Variants in TLN2 observed in about 807,000 individuals in gnomAD.
TLN2 encodes talin 2.
A neutral mutation model predicts 294.7 loss-of-function variants in TLN2; 118 were observed. The observed-to-expected ratio is 0.40, with a 90% CI of 0.34 to 0.47. The LOEUF (loss-of-function observed/expected upper bound fraction) is 0.47, where lower values mean the gene tolerates loss of function less well. Ranked by LOEUF, TLN2 falls within the 20% of genes least tolerant of loss-of-function variation. The probability of loss-of-function intolerance (pLI) is 0.84; values close to 1 mark genes in which losing one functional copy is unlikely to be tolerated. For synonymous variants in TLN2, 1,431 were observed against 1,304.5 expected (o/e 1.10, Z -2.09); for missense variants, 3,083 against 3,282.2 (o/e 0.94, Z 1.48).
chr15:62,825,063 G>A (rs1349722810), intron 54 of TLN2, among the ~76,000 whole-genome samples: 1 of 152,096 alleles, frequency 6.6e-6, no homozygotes, highest in Non-Finnish European at 1.5e-5. Flanking sequence ...CACAGGAGAG[G>A]GTCCTGTAAT....
intron 1 of TLN2, among the ~76,000 whole-genome samples, chr15:62,405,925 G>A (rs960745113): frequency 2.0e-5 from 3 of 152,188 alleles, no homozygotes; most frequent in African/African-American, 7.2e-5. Context: ...CTGCAGCAAT[G>A]CCTTGTCGGG....
intron 3 of TLN2, among the ~76,000 whole-genome samples, chr15:62,642,186 G>A (rs1304856216): frequency 1.3e-5 from 2 of 152,080 alleles, no homozygotes; most frequent in African/African-American, 4.8e-5. Flanking sequence ...ACACAATGCA[G>A]GTTTTATGAA....
intron 15 of TLN2, 48 bp downstream of exon 15, chr15:62,697,916 G>A (rs760097730): frequency 2.6e-5 from 42 of 1,590,424 alleles, no homozygotes; most frequent in Admixed American, 5.2e-5. Flanking sequence ...GCTGCCTCCC[G>A]CATGCAGGGT....
intron 1 of TLN2, among the ~76,000 whole-genome samples, chr15:62,509,287 T>C (rs2039804220): frequency 6.6e-6 from 1 of 152,252 alleles, no homozygotes; most frequent in Non-Finnish European, 1.5e-5. Flanking sequence ...TTGTTTTGTT[T>C]TTTTTGAGAA....
chr15:62,645,907 G>A (rs993010280), intron 3 of TLN2, among the ~76,000 whole-genome samples: 3 of 152,146 alleles, frequency 2.0e-5, no homozygotes, highest in South Asian at 2.1e-4. Context: ...AGAAAAAAGC[G>A]TTTGTGATAC....
At chr15:62,393,294 C>T (rs768103188) in intron 1 of TLN2, among the ~76,000 whole-genome samples, 3 of 152,102 alleles carry the variant, frequency 2.0e-5, no homozygotes, top group Non-Finnish European at 4.4e-5. Flanking sequence ...AAAGAGAAAG[C>T]GAACTTTTAA....
At chr15:62,469,098 T>C (rs1009838395) in intron 1 of TLN2, among the ~76,000 whole-genome samples, 5 of 152,238 alleles carry the variant, frequency 3.3e-5, no homozygotes, top group East Asian at 1.9e-4. Flanking sequence ...TTTCTTGGCG[T>C]GTAATTGAAA....
At chr15:62,447,273 G>A (rs923934923) in intron 1 of TLN2, among the ~76,000 whole-genome samples, 1 of 152,096 alleles carries the variant, frequency 6.6e-6, no homozygotes, top group South Asian at 2.1e-4. Flanking sequence ...GGTGAGAGAG[G>A]TAGTTTCGAC....
intron 1 of TLN2, among the ~76,000 whole-genome samples, chr15:62,445,103 A>C (rs2035749118): frequency 6.6e-6 from 1 of 152,238 alleles, no homozygotes. Context: ...ATCAGGGGTC[A>C]GGGAGGCCTT....
intron 2 of TLN2, among the ~76,000 whole-genome samples, chr15:62,613,810 G>A (rs1311241266): frequency 1.3e-5 from 2 of 150,520 alleles, no homozygotes; most frequent in Admixed American, 1.3e-4. Flanking sequence ...GCAACAAGAG[G>A]GATCAATCTC....
chr15:62,711,970 A>G lies in TLN2; in HGVS notation c.2527A>G (p.Met843Val), dbSNP rs756818664. 2.5e-6 allele frequency: 4 copies of G among 1,614,184 alleles called. No individual in the cohort carries two copies. Among genetic ancestry groups the G allele is most frequent in the South Asian group, 2.2e-5 (2 of 91,074 alleles). ...AGCCACATCAGACCTCGTCAATGCC[A>G]TGAGGTCAGATGCAGAAGCCGAAAT... ...AQATSDLVNA[M>V]RSDAEAEIDM... The change falls in exon 22 of 59, where the codon ATG becomes GTG. Residue 843 changes from methionine to valine, a missense_variant. Physicochemically the swap from Met to Val is conservative, Grantham distance 21 (BLOSUM62 1). Transcript: ENST00000636159.
At chr15:62,514,433 C>CT (rs1235426261) in intron 1 of TLN2, among the ~76,000 whole-genome samples, 1 of 152,178 alleles carries the variant, frequency 6.6e-6, no homozygotes, top group South Asian at 2.1e-4. Flanking sequence ...TAATACGGTG[C>CT]TTTTTTCCCC....
chr15:62,740,429 C>A, intron 31 of TLN2: 1 of 585,204 alleles, frequency 1.7e-6, no homozygotes, highest in Non-Finnish European at 2.9e-6. Context: ...CTGTGGCATG[C>A]ATCTTGATCT....
At chr15:62,458,509 C>G (rs1328225936) in intron 1 of TLN2, among the ~76,000 whole-genome samples, 1 of 150,334 alleles carries the variant, frequency 6.7e-6, no homozygotes, top group Non-Finnish European at 1.5e-5. Context: ...TCACAAACCT[C>G]TAGGAGGGAG....
At chr15:62,497,293 C>A (rs181686969) in intron 1 of TLN2, among the ~76,000 whole-genome samples, 1 of 152,294 alleles carries the variant, frequency 6.6e-6, no homozygotes, top group Admixed American at 6.5e-5. Flanking sequence ...CCCAAAATAT[C>A]TGGGGCAGCA....
At chr15:62,785,863 A>G (rs1279000743) in intron 45 of TLN2, among the ~76,000 whole-genome samples, 1 of 152,114 alleles carries the variant, frequency 6.6e-6, no homozygotes, top group Non-Finnish European at 1.5e-5. Flanking sequence ...TACGACAGAG[A>G]CCATTGAACC....
intron 1 of TLN2, among the ~76,000 whole-genome samples, chr15:62,538,667 A>G (rs1204429703): frequency 1.3e-5 from 2 of 152,276 alleles, no homozygotes; most frequent in African/African-American, 4.8e-5. Flanking sequence ...AGTTTCTAGG[A>G]GGCAAAAAGA....
At chr15:62,455,989 G>T (rs550087603) in intron 1 of TLN2, among the ~76,000 whole-genome samples, 1 of 151,208 alleles carries the variant, frequency 6.6e-6, no homozygotes, top group East Asian at 1.9e-4. Flanking sequence ...CTGCAGTTGC[G>T]AACCCCAGAA....
rs1451436242 is a variant in TLN2, at chr15:62,842,386, A to T, written c.*1776A>T. On this transcript the variant is annotated 3_prime_UTR_variant, in exon 59 of 59. Coordinates refer to ENST00000636159, the MANE Select transcript of TLN2 (RefSeq NM_015059.3). Reference sequence around the variant, plus strand: ...GGCTCGCCCTCTTTGAGTGGAGCTGATCCAACACCTCATGCCTGCCTTGGC... The same window carrying T: ...GGCTCGCCCTCTTTGAGTGGAGCTGTTCCAACACCTCATGCCTGCCTTGGC... 6.6e-6 allele frequency: 1 copy of T among 152,180 alleles called. No homozygotes were observed. Among genetic ancestry groups the T allele is most frequent in the Non-Finnish European group, 1.5e-5 (1 of 68,084 alleles). The allele number at this position is 152,180 out of a possible 1,614,324, so 9.4% of individuals were successfully genotyped here.
Sources: gnomAD v4.1 joint callset for allele counts (sites outside exome capture counted in the v4.1 genomes callset) on GRCh38, gnomAD v4.1.1 for gene constraint, MANE v1.5 for transcripts, NCBI Gene and HGNC (gene_info 2026-07-23, HGNC 2026-07-21) for gene names.